The following FBRSL1 variants were observed in gnomAD, a reference collection of about 807,000 sequenced individuals.
The protein encoded by FBRSL1 is fibrosin like 1.
FBRSL1 carries 51 observed loss-of-function variants against 89.6 expected under a neutral mutation model. The observed-to-expected ratio is 0.57, with a 90% CI of 0.45 to 0.72. The LOEUF (loss-of-function observed/expected upper bound fraction) is 0.72. Ranked by LOEUF, FBRSL1 falls within the 30% of genes least tolerant of loss-of-function variation. FBRSL1 has a pLI of 0.00. For synonymous variants in FBRSL1, 779 were observed against 681.1 expected, an observed-to-expected ratio of 1.14 and a Z score of -2.24; for missense variants, 1,618 against 1,451.8, an observed-to-expected ratio of 1.11 and a Z score of -1.86.
chr12:132,510,855 T>A (rs2034250872), intron 2 of FBRSL1: 11 of 1,047,790 alleles, frequency 1.0e-5, no homozygotes, highest in Non-Finnish European at 1.3e-5. Context: ...TGCCTCTGAA[T>A]TGCCAATACT....
At chr12:132,534,047 T>TC (rs913940618) in intron 4 of FBRSL1, among the ~76,000 whole-genome samples, 1 of 151,854 alleles carries the variant, frequency 6.6e-6, no homozygotes, top group Non-Finnish European at 1.5e-5. Flanking sequence ...AGTACCACTA[T>TC]CCCCCACCAC....
chr12:132,523,824 C>T (rs34131115), intron 2 of FBRSL1, among the ~76,000 whole-genome samples: 10,089 of 152,252 alleles, frequency 0.066, 421 homozygotes, highest in Middle Eastern at 0.12. Flanking sequence ...ATTCCCGGGA[C>T]CCCGCGTTGA....
Position 132,564,140 on chromosome 12 carries a change from G to A in FBRSL1, c.646-3341G>A, listed in dbSNP as rs374531115. Among the ~76,000 whole-genome samples the A allele has an allele frequency of 2.6e-5, 4 of 152,340 alleles. No individual in the cohort carries two copies. The South Asian group carries it at 6.2e-4, about 24-fold the overall frequency. On this transcript the variant is annotated intron_variant, in intron 5 of 18. Coordinates refer to ENST00000680143, the MANE Select transcript of FBRSL1 (RefSeq NM_001367871.1). ...AATTCCATATGTGGCTGAGGCAGAC[G>A]CGCTCACTGTTGATCCGTCTGCCAG...
In FBRSL1 at chr12:132,583,378, C is replaced by A. The variant is rs2040926213; in HGVS notation, c.2609C>A (p.Pro870His). Residue 870 changes from proline (P) to histidine (H), a missense_variant, in exon 19 of 19, where the codon CCC becomes CAC. By Grantham distance (77) the Pro-to-His change is moderately conservative (BLOSUM62 -2). Transcript: ENST00000680143. ...LPRRAFPAAA[P>H]APGSAALLEP... The stretch of plus-strand genomic sequence containing the variant: ...CGTCGCGCCTTCCCCGCTGCCGCCC[C>A]CGCCCCGGGCTCCGCCGCCCTCTTG... The A allele has an allele frequency of 9.1e-7, 1 of 1,096,062 alleles. No homozygotes were observed. The highest frequency in any genetic ancestry group is 1.1e-6 in the Non-Finnish European group (1 of 900,272). 67.9% of individuals were successfully genotyped at this position (1,096,062 alleles called of 1,614,324 possible). A position where few individuals can be genotyped will look rare whatever the true frequency, so the allele number is the denominator to read the frequency against.
In FBRSL1 at chr12:132,574,151, C is replaced by T. The variant is rs189275889; in HGVS notation, c.1592C>T (p.Ala531Val). 2.3e-5 allele frequency: 32 copies of T among 1,416,796 alleles called. No homozygotes were observed. The East Asian group carries it at 6.3e-4, about 28-fold the overall frequency. 87.8% of individuals were successfully genotyped at this position (1,416,796 alleles called of 1,614,324 possible). ...GCGGTTCACACACTCCTGCAGAAAG[C>T]GCCTGGGGTAGGTGTTAGTGGGCGC... ...AGAVHTLLQK[A>V]PGVSDPYRAV... Residue 531 changes from alanine (A) to valine (V), a missense_variant, in exon 12 of 19, where the codon GCG becomes GTG. Physicochemically the swap from Ala to Val is moderately conservative, Grantham distance 64 (BLOSUM62 0). Coordinates refer to ENST00000680143, the MANE Select transcript of FBRSL1 (RefSeq NM_001367871.1).
intron 1 of FBRSL1, among the ~76,000 whole-genome samples, chr12:132,498,271 T>C (rs945939302): frequency 6.6e-6 from 1 of 152,080 alleles, no homozygotes; most frequent in Non-Finnish European, 1.5e-5. Flanking sequence ...GGGGGCTGTG[T>C]TGGGATGTGA....
chr12:132,556,982 C>T (rs1015389899), intron 5 of FBRSL1, among the ~76,000 whole-genome samples: 4 of 152,338 alleles, frequency 2.6e-5, no homozygotes, highest in South Asian at 2.1e-4. Context: ...CTGGCCCCAG[C>T]GCTCGGCTAA....
At chr12:132,510,177 A>C in intron 2 of FBRSL1, 1 of 1,231,068 alleles carries the variant, frequency 8.1e-7, no homozygotes, top group Non-Finnish European at 1.0e-6. Context: ...GCGGCCGCTC[A>C]TGGGCCCCAA....
rs558179918 is a variant in FBRSL1, at chr12:132,581,485, T to C, written c.1881T>C (p.Pro627=). 19 of 1,551,094 alleles carry C rather than the reference T, an allele frequency of 1.2e-5. 1 individual carries two copies. Among genetic ancestry groups the C allele is most frequent in the African/African-American group, 1.1e-4 (8 of 73,172 alleles). ...ASNPFGPSAH[P]GSFLPTGPLT... Reference sequence around the variant, plus strand: ...ACCCATTTGGACCCTCAGCCCATCCTGGCAGCTTCCTGCCCACTGGCCCCC... The same window carrying C: ...ACCCATTTGGACCCTCAGCCCATCCCGGCAGCTTCCTGCCCACTGGCCCCC... Residue 627 remains proline (P), a synonymous_variant, in exon 16 of 19, where the codon CCT becomes CCC. Coordinates refer to ENST00000680143, the MANE Select transcript of FBRSL1 (RefSeq NM_001367871.1).
chr12:132,517,656 G>C (rs1488504657), intron 2 of FBRSL1, among the ~76,000 whole-genome samples: 1 of 152,208 alleles, frequency 6.6e-6, no homozygotes, highest in African/African-American at 2.4e-5. Flanking sequence ...TCTGGGTAGA[G>C]GGTGTAGCCA....
intron 2 of FBRSL1, chr12:132,511,834 T>TGCCCCCCCCCCC: frequency 2.2e-6 from 2 of 899,062 alleles, no homozygotes; most frequent in Non-Finnish European, 2.7e-6. Flanking sequence ...GCCCCCTCGC[T>TGCCCCCCCCCCC]CCCCACCCAC....
Position 132,576,807 on chromosome 12 carries a change from G to A in FBRSL1, c.1710G>A (p.Gln570=), listed in dbSNP as rs1312319834. The change falls in exon 15 of 19, where the codon CAG becomes CAA. Residue 570 remains glutamine, a synonymous_variant. Transcript: ENST00000680143. The part of the protein sequence containing the change: ...YRHQQKIKEM[Q]LDPHKLEVGA... The stretch of plus-strand genomic sequence containing the variant: ...CCGTTCTATCCTCCCAGGAGATGCA[G>A]CTGGACCCCCACAAGCTGGAGGTGG... 1.3e-6 allele frequency: 2 copies of A among 1,550,828 alleles called. No homozygotes were observed. Among genetic ancestry groups the A allele is most frequent in the East Asian group, 2.4e-5 (1 of 40,890 alleles).
intron 1 of FBRSL1, among the ~76,000 whole-genome samples, chr12:132,498,585 C>G (rs1220702976): frequency 6.6e-6 from 1 of 152,246 alleles, no homozygotes; most frequent in Non-Finnish European, 1.5e-5. Flanking sequence ...TCATGGAAGT[C>G]TGGGTTCTCC....
Position 132,570,118 on chromosome 12 carries a change from ACCGCCACACCCCGCAG to A in FBRSL1, c.892_907del (p.Thr298ProfsTer124). The A allele has an allele frequency of 6.8e-7, 1 of 1,473,134 alleles. No homozygotes were observed. The highest frequency in any genetic ancestry group is 8.9e-7 in the Non-Finnish European group (1 of 1,119,870). 91.3% of individuals were successfully genotyped at this position (1,473,134 alleles called of 1,614,324 possible). ...GTGAAGAAGGAACCCCCCGCCCCGC[ACCGCCACACCCCGCAG>A]CCGCCACCCCCGCAGCCCCGCGGCC... is the stretch of plus-strand genomic sequence containing the variant. On this transcript the variant is annotated frameshift_variant, in exon 7 of 19. Coordinates refer to ENST00000680143, the MANE Select transcript of FBRSL1 (RefSeq NM_001367871.1). LOFTEE classifies it high-confidence loss of function.
chr12:132,492,947 C>T (rs1301033589), intron 1 of FBRSL1, among the ~76,000 whole-genome samples: 2 of 152,214 alleles, frequency 1.3e-5, no homozygotes, highest in Non-Finnish European at 2.9e-5. Flanking sequence ...ATAATTATAT[C>T]AATAGTAGTG....
intron 2 of FBRSL1, among the ~76,000 whole-genome samples, chr12:132,512,970 G>A (rs2034506671): frequency 6.6e-6 from 1 of 152,216 alleles, no homozygotes. Flanking sequence ...CCATGGGGAG[G>A]GCAGAGACAC....
At chr12:132,507,396 C>G in intron 1 of FBRSL1, 1 of 985,580 alleles carries the variant, frequency 1.0e-6, no homozygotes, top group Non-Finnish European at 1.2e-6. Context: ...AAGGTGCTTA[C>G]TAGTGGTTTA....
chr12:132,544,008 C>G (rs1224564713), intron 4 of FBRSL1, among the ~76,000 whole-genome samples: 1 of 152,144 alleles, frequency 6.6e-6, no homozygotes, highest in Non-Finnish European at 1.5e-5. Context: ...TCTGGCCACC[C>G]CACACCTTAG....
chr12:132,526,990 G>T (rs1294790781), intron 3 of FBRSL1, among the ~76,000 whole-genome samples: 1 of 152,148 alleles, frequency 6.6e-6, no homozygotes, highest in Non-Finnish European at 1.5e-5. Flanking sequence ...AGCAGCCCCT[G>T]CAGGCCAGAG....
Sources: allele counts gnomAD v4.1 joint callset (sites outside exome capture counted in the v4.1 genomes callset), GRCh38; gene constraint gnomAD v4.1.1; transcripts MANE v1.5; gene names NCBI Gene and HGNC (gene_info 2026-07-23, HGNC 2026-07-21).